PTPRK: variants seen among roughly 807,000 people sequenced by gnomAD.
PTPRK encodes the protein receptor-type tyrosine-protein phosphatase kappa.
In PTPRK, 75 loss-of-function variants were observed where a neutral mutation model predicts 178.0. The ratio of observed to expected loss-of-function variants is 0.42; its 90% CI spans 0.35 to 0.51. The LOEUF (loss-of-function observed/expected upper bound fraction) is 0.51. PTPRK is among the 20% of genes least tolerant of loss of function. The pLI, the probability that PTPRK is intolerant of heterozygous loss-of-function variation, is 0.02. For missense variants in PTPRK, 1,441 were observed against 1,797.8 expected (o/e 0.80, Z 3.59); for synonymous variants, 637 against 620.6 (o/e 1.03, Z -0.39).
intron 5 of PTPRK, among the ~76,000 whole-genome samples, chr6:128,237,592 G>T (rs1447896565): frequency 6.6e-6 from 1 of 152,132 alleles, no homozygotes; most frequent in African/African-American, 2.4e-5. Flanking sequence ...TGTCTATTCA[G>T]AATCTCCTTT....
intron 5 of PTPRK, among the ~76,000 whole-genome samples, chr6:128,235,982 G>C (rs902260880): frequency 2.0e-5 from 3 of 151,944 alleles, no homozygotes; most frequent in African/African-American, 7.3e-5. Context: ...TGTTATAATT[G>C]CTCTATTTTA....
chr6:128,005,921 T>G lies in PTPRK; in HGVS notation c.2334-677A>C, dbSNP rs528842008. 49 of 889,662 alleles carry G rather than the reference T, an allele frequency of 5.5e-5. No individual in the cohort carries two copies. The East Asian group carries it at 1.1e-3, about 21-fold the overall frequency. 55.1% of individuals were successfully genotyped at this position (889,662 alleles called of 1,614,324 possible). Reference sequence around the variant, plus strand: ...TAGTTTTAGAGTCTGAAAAAACTTTTTTTTTGAAATGTCACCAAAATTGCA... The same window carrying G: ...TAGTTTTAGAGTCTGAAAAAACTTTGTTTTTGAAATGTCACCAAAATTGCA... On this transcript the variant is annotated intron_variant, in intron 14 of 29. Coordinates refer to ENST00000368226, the MANE Select transcript of PTPRK (RefSeq NM_002844.4).
At chr6:128,025,471 A>T (rs1013489603) in intron 13 of PTPRK, among the ~76,000 whole-genome samples, 1 of 152,386 alleles carries the variant, frequency 6.6e-6, no homozygotes, top group Middle Eastern at 3.4e-3. Flanking sequence ...TCTAGCTCAA[A>T]TAAGATCAAA....
intron 15 of PTPRK, chr6:128,000,305 G>T (rs1404637018): frequency 2.3e-6 from 3 of 1,298,018 alleles, no homozygotes; most frequent in African/African-American, 1.5e-5. Context: ...ATGAATTGTT[G>T]TCCCCATGAT....
chr6:128,093,377 T>C (rs890211194), intron 7 of PTPRK, among the ~76,000 whole-genome samples: 15 of 151,912 alleles, frequency 9.9e-5, no homozygotes, highest in African/African-American at 3.4e-4. Context: ...GCAGATGGCC[T>C]GAGCTCAGGA....
intron 2 of PTPRK, among the ~76,000 whole-genome samples, chr6:128,344,037 G>C (rs1157030559): frequency 6.6e-6 from 1 of 152,128 alleles, no homozygotes. Context: ...AATACTATCT[G>C]CCTTATAGGA....
chr6:128,491,796 G>C (rs1330793665), intron 1 of PTPRK: 2 of 518,450 alleles, frequency 3.9e-6, no homozygotes, highest in South Asian at 2.8e-5. Context: ...CGAATGGAAT[G>C]GCAGACAGCA....
At chr6:128,518,987 A>G (rs1358184046) in intron 1 of PTPRK, 4 of 500,398 alleles carry the variant, frequency 8.0e-6, no homozygotes, top group African/African-American at 3.9e-5. Flanking sequence ...AACGTGAGAA[A>G]CTGTCAGGTA....
chr6:128,164,864 C>CA (rs11463259), intron 7 of PTPRK, among the ~76,000 whole-genome samples: 10,386 of 150,254 alleles, frequency 0.069, 841 homozygotes, highest in African/African-American at 0.19. Context: ...GCATGAAAGC[C>CA]AAAAAAACCA....
chr6:128,489,625 T>C (rs1324529120), intron 1 of PTPRK, among the ~76,000 whole-genome samples: 1 of 152,258 alleles, frequency 6.6e-6, no homozygotes, highest in Non-Finnish European at 1.5e-5. Flanking sequence ...GCCATGTATC[T>C]GTATTAAATT....
In PTPRK at chr6:128,159,957, C is replaced by A. The variant is rs1487501398; in HGVS notation, c.1162+24475G>T. 2.6e-5 allele frequency among the ~76,000 whole-genome samples: 4 copies of A among 151,636 alleles called. 1 individual carries two copies. On this transcript the variant is annotated intron_variant, in intron 7 of 29. Transcript: ENST00000368226. Reference sequence around the variant, plus strand: ...TGGGCAGGATTATGTTTACTTACATCCTGAGGTTTCTTTAGTAGCACAAAT... The same window carrying A: ...TGGGCAGGATTATGTTTACTTACATACTGAGGTTTCTTTAGTAGCACAAAT...
intron 7 of PTPRK, among the ~76,000 whole-genome samples, chr6:128,181,309 T>C (rs1271453485): frequency 6.6e-6 from 1 of 152,098 alleles, no homozygotes; most frequent in Non-Finnish European, 1.5e-5. Flanking sequence ...TTAAAAACAG[T>C]AAATTGTAAG....
At chr6:128,286,439 C>T (rs764235689) in intron 3 of PTPRK, among the ~76,000 whole-genome samples, 87 of 151,922 alleles carry the variant, frequency 5.7e-4, no homozygotes, top group Non-Finnish European at 9.7e-4. Context: ...GTTTCATTTT[C>T]AATAATTTCT....
At chr6:128,381,623 T>G (rs554760156) in intron 2 of PTPRK, among the ~76,000 whole-genome samples, 47 of 152,144 alleles carry the variant, frequency 3.1e-4, no homozygotes, top group Non-Finnish European at 5.3e-4. Context: ...TCCCAGATAC[T>G]ACCAGATACT....
At chr6:128,338,597 G>GTTGT (rs1299082741) in intron 2 of PTPRK, among the ~76,000 whole-genome samples, 1 of 152,158 alleles carries the variant, frequency 6.6e-6, no homozygotes, top group Admixed American at 6.5e-5. Context: ...GAGACCTACT[G>GTTGT]CTGGGTGCAG....
chr6:128,347,156 A>C (rs1832535355), intron 2 of PTPRK, among the ~76,000 whole-genome samples: 1 of 152,148 alleles, frequency 6.6e-6, no homozygotes, highest in Non-Finnish European at 1.5e-5. Context: ...TGGAAACAAT[A>C]ATACAAATTT....
chr6:128,363,100 T>A (rs771134367), intron 2 of PTPRK, among the ~76,000 whole-genome samples: 1 of 152,170 alleles, frequency 6.6e-6, no homozygotes, highest in Non-Finnish European at 1.5e-5. Context: ...TAGGAAACCC[T>A]CTTCTGCAAC....
At chr6:128,300,312 G>A (rs1019166046) in intron 3 of PTPRK, among the ~76,000 whole-genome samples, 2 of 152,066 alleles carry the variant, frequency 1.3e-5, no homozygotes, top group Admixed American at 1.3e-4. Flanking sequence ...AAGTCAGTGG[G>A]GGGATTCCTC....
chr6:128,208,477 C>T (rs1003714429), intron 6 of PTPRK, among the ~76,000 whole-genome samples: 3 of 152,010 alleles, frequency 2.0e-5, no homozygotes, highest in Non-Finnish European at 2.9e-5. Flanking sequence ...AAAAGATTTC[C>T]ACTTAACCGA....
Sources: gnomAD v4.1 joint callset for allele counts (sites outside exome capture counted in the v4.1 genomes callset) on GRCh38, gnomAD v4.1.1 for gene constraint, MANE v1.5 for transcripts, NCBI Gene and HGNC (gene_info 2026-07-23, HGNC 2026-07-21) for gene names.